LRRC4C: variants seen among roughly 807,000 people sequenced by gnomAD.
LRRC4C encodes the protein leucine rich repeat containing 4C.
A neutral mutation model predicts 33.6 loss-of-function variants in LRRC4C; 5 were observed. The ratio of observed to expected loss-of-function variants is 0.15; its 90% CI spans 0.08 to 0.31. The LOEUF is 0.31. Ranked by LOEUF, LRRC4C falls within the 10% of genes least tolerant of loss-of-function variation. The pLI is 1.00. For missense variants in LRRC4C, 560 were observed against 796.7 expected (o/e 0.70, Z 3.58); for synonymous variants, 329 against 302.0 (o/e 1.09, Z -0.93).
chr11:41,458,539 C>T (rs1223353085), intron 1 of LRRC4C, among the ~76,000 whole-genome samples: 2 of 104,150 alleles, frequency 1.9e-5, no homozygotes, highest in African/African-American at 3.9e-5. Flanking sequence ...GAAGGAAAAG[C>T]GTGGTGGGGG....
chr11:40,967,383 T>A (rs1013589347), intron 1 of LRRC4C, among the ~76,000 whole-genome samples: 2 of 152,074 alleles, frequency 1.3e-5, no homozygotes, highest in Non-Finnish European at 2.9e-5. Context: ...GTATCTTTCA[T>A]TTTTGTTTAC....
intron 4 of LRRC4C, among the ~76,000 whole-genome samples, chr11:40,310,971 G>A (rs1945277207): frequency 1.3e-5 from 2 of 152,168 alleles, no homozygotes; most frequent in African/African-American, 4.8e-5. Flanking sequence ...ACCTGAGGTG[G>A]TTCTTAGTTC....
intron 2 of LRRC4C, among the ~76,000 whole-genome samples, chr11:40,926,630 T>G (rs1957415626): frequency 6.6e-6 from 1 of 152,190 alleles, no homozygotes; most frequent in Non-Finnish European, 1.5e-5. Flanking sequence ...GATAGGCATA[T>G]TCATCCACCA....
intron 3 of LRRC4C, among the ~76,000 whole-genome samples, chr11:40,584,177 CATATATATATATATAT>C (rs371413523): frequency 0.012 from 820 of 71,274 alleles, 88 homozygotes; most frequent in African/African-American, 0.039. Context: ...ACGCACACTT[CATATATATATATATAT>C]ATATATATAT....
chr11:40,705,541 C>CTTTTTTTTTTTTTTTTTTTTTTTT, intron 2 of LRRC4C, among the ~76,000 whole-genome samples: 1 of 150,494 alleles, frequency 6.6e-6, no homozygotes, highest in South Asian at 2.1e-4. Flanking sequence ...TGAACTCATT[C>CTTTTTTTTTTTTTTTTTTTTTTTT]TTTTTTATGC....
intron 3 of LRRC4C, chr11:40,351,730 A>G (rs1947397061): frequency 6.6e-6 from 1 of 151,212 alleles, no homozygotes; most frequent in Non-Finnish European, 1.5e-5. Context: ...CTATGTATTT[A>G]CAATCATTAT....
intron 5 of LRRC4C, among the ~76,000 whole-genome samples, chr11:40,178,271 G>A (rs1860684428): frequency 6.6e-6 from 1 of 152,166 alleles, no homozygotes; most frequent in South Asian, 2.1e-4. Context: ...GATAGGTCAT[G>A]GCAATTCTGC....
At chr11:40,167,744 T>A (rs1565080478) in intron 5 of LRRC4C, among the ~76,000 whole-genome samples, 2 of 152,098 alleles carry the variant, frequency 1.3e-5, no homozygotes, top group Admixed American at 6.5e-5. Flanking sequence ...GGTAGGGCCA[T>A]TTCACTTCAA....
intron 4 of LRRC4C, among the ~76,000 whole-genome samples, chr11:40,313,189 A>C (rs1945400328): frequency 6.6e-6 from 1 of 151,422 alleles, no homozygotes; most frequent in Non-Finnish European, 1.5e-5. Context: ...GTTAGTTTTT[A>C]CTCCTCGCCT....
intron 1 of LRRC4C, among the ~76,000 whole-genome samples, chr11:41,220,895 C>T (rs180904835): frequency 5.9e-5 from 9 of 152,226 alleles, no homozygotes; most frequent in Admixed American, 3.9e-4. Flanking sequence ...AAACAGATTA[C>T]GTCTCTGACT....
chr11:40,736,768 G>A (rs1947887093), intron 2 of LRRC4C, among the ~76,000 whole-genome samples: 1 of 151,888 alleles, frequency 6.6e-6, no homozygotes, highest in Admixed American at 6.6e-5. Flanking sequence ...GACCAATGAT[G>A]ATGAGCTGTA....
chr11:40,605,814 G>A (rs1044153462), intron 3 of LRRC4C, among the ~76,000 whole-genome samples: 3 of 152,156 alleles, frequency 2.0e-5, no homozygotes, highest in Admixed American at 2.0e-4. Flanking sequence ...AGCCCAGCAT[G>A]GAAAGAATGA....
intron 3 of LRRC4C, chr11:40,445,834 AAGGTTTT>A (rs1277150079): frequency 6.6e-6 from 1 of 152,146 alleles, no homozygotes; most frequent in Non-Finnish European, 1.5e-5. Flanking sequence ...CTAGATTCAT[AAGGTTTT>A]TCCCCTGTGA....
chr11:40,938,297 T>G (rs2136552841), intron 1 of LRRC4C, among the ~76,000 whole-genome samples: 1 of 152,206 alleles, frequency 6.6e-6, no homozygotes. Flanking sequence ...CCGCAATGAT[T>G]CTGTACTGTC....
rs374039822 is a variant in LRRC4C, at chr11:40,677,968, GC to G, written c.-406-29691del. 3.3e-3 allele frequency among the ~76,000 whole-genome samples: 501 copies of G among 152,180 alleles called. 7 individuals are homozygous for G. Among genetic ancestry groups the G allele is most frequent in the African/African-American group, 0.012 (479 of 41,500 alleles). The stretch of plus-strand genomic sequence containing the variant: ...ATGATAGAACGGAGAGTTGGAAGAA[GC>G]CTGTGACTTGGATGGCTCCGTGGAG... On this transcript the variant is annotated intron_variant, in intron 2 of 6. Transcript: ENST00000528697.
At chr11:40,942,319 A>G (rs146839724) in intron 1 of LRRC4C, among the ~76,000 whole-genome samples, 4 of 152,254 alleles carry the variant, frequency 2.6e-5, no homozygotes, top group African/African-American at 9.6e-5. Flanking sequence ...GTCAATTATA[A>G]TCCCAGCAAG....
chr11:41,368,446 A>T lies in LRRC4C; in HGVS notation c.-496+90985T>A, dbSNP rs1453829409. ...CAACATCTCTTAACAAATCCTTACC[A>T]AGAGACAAGAGATCAATAAGCAAAA... On this transcript the variant is annotated intron_variant, in intron 1 of 6. Coordinates refer to ENST00000528697, the MANE Select transcript of LRRC4C (RefSeq NM_001258419.2). 2.6e-5 allele frequency among the ~76,000 whole-genome samples: 4 copies of T among 152,346 alleles called. No homozygotes were observed. In the East Asian group the frequency reaches 7.7e-4, roughly 29 times the overall value.
intron 1 of LRRC4C, among the ~76,000 whole-genome samples, chr11:41,383,500 T>C (rs768912714): frequency 6.6e-6 from 1 of 152,060 alleles, no homozygotes; most frequent in African/African-American, 2.4e-5. Flanking sequence ...TATAAGAATA[T>C]GACTTTCTTC....
intron 1 of LRRC4C, among the ~76,000 whole-genome samples, chr11:41,163,450 A>G (rs1269758629): frequency 6.7e-6 from 1 of 150,136 alleles, no homozygotes; most frequent in Non-Finnish European, 1.5e-5. Context: ...CACCCAACTA[A>G]TTTTTGTATT....
Sources: allele counts gnomAD v4.1 joint callset (sites outside exome capture counted in the v4.1 genomes callset), GRCh38; gene constraint gnomAD v4.1.1; transcripts MANE v1.5; gene names NCBI Gene and HGNC (gene_info 2026-07-23, HGNC 2026-07-21).